SKAP1: variants seen among roughly 807,000 people sequenced by gnomAD.
SKAP1 encodes src kinase-associated phosphoprotein 1.
In SKAP1, 44 loss-of-function variants were observed where a neutral mutation model predicts 58.5. That is an observed-to-expected ratio of 0.75 (90% CI 0.59 to 0.97). SKAP1 has a LOEUF of 0.97. Ranked by LOEUF, SKAP1 falls within the 50% of genes least tolerant of loss-of-function variation. SKAP1 has a pLI of 0.00. For missense variants in SKAP1, 390 were observed against 435.2 expected (o/e 0.90, Z 0.92); for synonymous variants, 127 against 149.7 (o/e 0.85, Z 1.11).
At chr17:48,176,163 AC>A (rs1163806116) in intron 9 of SKAP1, among the ~76,000 whole-genome samples, 11 of 152,258 alleles carry the variant, frequency 7.2e-5, no homozygotes, top group African/African-American at 2.4e-4. Flanking sequence ...TTATAATAAC[AC>A]CCTGGGGCAG....
At chr17:48,357,250 CA>C (rs1418069342) in intron 3 of SKAP1, among the ~76,000 whole-genome samples, 8 of 151,862 alleles carry the variant, frequency 5.3e-5, no homozygotes, top group Non-Finnish European at 1.0e-4. Flanking sequence ...TCATCTACTA[CA>C]GAATAGGAAG....
chr17:48,279,485 T>C (rs2144026999), intron 4 of SKAP1, among the ~76,000 whole-genome samples: 1 of 152,268 alleles, frequency 6.6e-6, no homozygotes, highest in African/African-American at 2.4e-5. Flanking sequence ...TGAGGAGGAC[T>C]TTGCATGTTA....
intron 8 of SKAP1, among the ~76,000 whole-genome samples, 159 bp downstream of exon 8, chr17:48,182,235 A>C: frequency 6.6e-6 from 1 of 152,288 alleles, no homozygotes; most frequent in Non-Finnish European, 1.5e-5. Flanking sequence ...TCATTCACAC[A>C]TAGTACTATT....
intron 1 of SKAP1, among the ~76,000 whole-genome samples, chr17:48,418,589 C>T (rs7209043): frequency 0.33 from 50,106 of 151,886 alleles, 8,968 homozygotes; most frequent in African/African-American, 0.46. Context: ...TAATTCCACT[C>T]CTAGATATAT....
chr17:48,252,224 C>T (rs1567839013), intron 4 of SKAP1, among the ~76,000 whole-genome samples: 1 of 150,078 alleles, frequency 6.7e-6, no homozygotes, highest in African/African-American at 2.4e-5. Flanking sequence ...GAGAATGGGG[C>T]AGAGAGAGAG....
At chr17:48,242,898 G>C (rs1319396048) in intron 4 of SKAP1, among the ~76,000 whole-genome samples, 2 of 152,216 alleles carry the variant, frequency 1.3e-5, no homozygotes, top group African/African-American at 2.4e-5. Flanking sequence ...GCCAAGACTT[G>C]AGCCTGTACT....
intron 1 of SKAP1, among the ~76,000 whole-genome samples, chr17:48,409,788 C>G (rs9890142): frequency 0.33 from 50,762 of 151,742 alleles, 9,174 homozygotes; most frequent in African/African-American, 0.47. Flanking sequence ...TATACCGTAT[C>G]ATACTATAAT....
chr17:48,191,192 G>C (rs1032679649), intron 4 of SKAP1, among the ~76,000 whole-genome samples: 2 of 151,946 alleles, frequency 1.3e-5, no homozygotes, highest in African/African-American at 4.8e-5. Context: ...TTCACAGAAG[G>C]GAGGGACAAA....
chr17:48,306,336 A>C (rs1043781742), intron 4 of SKAP1, among the ~76,000 whole-genome samples: 1 of 152,196 alleles, frequency 6.6e-6, no homozygotes, highest in Non-Finnish European at 1.5e-5. Context: ...TTATTCTATG[A>C]AACCTCCCAC....
intron 11 of SKAP1, chr17:48,156,583 C>G (rs139632134): frequency 2.5e-6 from 1 of 396,320 alleles, no homozygotes; most frequent in Non-Finnish European, 5.3e-6. Flanking sequence ...CAGGAACATC[C>G]GCTGGATGCA....
intron 1 of SKAP1, among the ~76,000 whole-genome samples, chr17:48,401,406 A>C (rs2067497644): frequency 6.6e-6 from 1 of 152,200 alleles, no homozygotes; most frequent in Admixed American, 6.5e-5. Flanking sequence ...TTAGGAAAAT[A>C]TGGTACTGGC....
chr17:48,254,911 T>C (rs955660917), intron 4 of SKAP1, among the ~76,000 whole-genome samples: 6 of 152,008 alleles, frequency 3.9e-5, no homozygotes, highest in African/African-American at 1.4e-4. Context: ...CAAGAGCACT[T>C]GAATTTTCTT....
chr17:48,384,706 T>TCCTTGACA (rs2067255385), intron 2 of SKAP1, among the ~76,000 whole-genome samples: 1 of 152,218 alleles, frequency 6.6e-6, no homozygotes, highest in South Asian at 2.1e-4. Context: ...CAGAATGGCT[T>TCCTTGACA]ATAGATCATG....
chr17:48,162,707 C>T, intron 10 of SKAP1, 138 bp from the exon 11 acceptor site: 2 of 595,304 alleles, frequency 3.4e-6, no homozygotes. Flanking sequence ...AGATGAGATA[C>T]AGCCAAACAC....
intron 4 of SKAP1, among the ~76,000 whole-genome samples, chr17:48,199,488 T>C (rs1283158085): frequency 6.6e-6 from 1 of 152,220 alleles, no homozygotes; most frequent in African/African-American, 2.4e-5. Context: ...AGCTGCCGAG[T>C]TGGGAGTACT....
intron 2 of SKAP1, among the ~76,000 whole-genome samples, chr17:48,375,087 G>A (rs1302239174): frequency 6.6e-6 from 1 of 152,142 alleles, no homozygotes; most frequent in Non-Finnish European, 1.5e-5. Context: ...AAATACTACT[G>A]TAACAACAGA....
At chr17:48,416,978 G>A (rs572657099) in intron 1 of SKAP1, among the ~76,000 whole-genome samples, 3 of 152,222 alleles carry the variant, frequency 2.0e-5, no homozygotes, top group African/African-American at 7.2e-5. Context: ...ACCATAGTGG[G>A]GAAAAATGAC....
At chr17:48,238,150 C>A (rs975324357) in intron 4 of SKAP1, among the ~76,000 whole-genome samples, 1 of 151,894 alleles carries the variant, frequency 6.6e-6, no homozygotes, top group African/African-American at 2.4e-5. Context: ...CATGCCACCA[C>A]ATCCGGCTGA....
At chr17:48,283,222 A>C (rs2065789582) in intron 4 of SKAP1, among the ~76,000 whole-genome samples, 1 of 152,212 alleles carries the variant, frequency 6.6e-6, no homozygotes, top group Admixed American at 6.5e-5. Context: ...ATGCAGAGAA[A>C]AGTGATTAGA....
Sources: allele counts gnomAD v4.1 joint callset (sites outside exome capture counted in the v4.1 genomes callset), GRCh38; gene constraint gnomAD v4.1.1; transcripts MANE v1.5; gene names NCBI Gene and HGNC (gene_info 2026-07-23, HGNC 2026-07-21).